TSC22D3: variants seen among roughly 807,000 people sequenced by gnomAD.
TSC22D3 encodes the protein TSC22 domain family protein 3.
A neutral mutation model predicts 11.1 loss-of-function variants in TSC22D3; 4 were observed. That is an observed-to-expected ratio of 0.36 (90% CI 0.18 to 0.83). The LOEUF (loss-of-function observed/expected upper bound fraction) is 0.83. Ranked by LOEUF, TSC22D3 falls within the 40% of genes least tolerant of loss-of-function variation. TSC22D3 has a pLI of 0.48. For synonymous variants in TSC22D3, 77 were observed against 70.3 expected (o/e 1.10, Z -0.48); for missense variants, 118 against 159.4 (o/e 0.74, Z 1.40).
At chrX:107,765,260 C>G (rs1381418184) in intron 1 of TSC22D3, among the ~76,000 whole-genome samples, 2 of 112,044 alleles carry the variant, frequency 1.8e-5, no homozygotes, top group African/African-American at 3.2e-5. Context: ...TGGCACCATC[C>G]AAGCTCCAGA....
At chrX:107,768,527 T>C (rs920869079) in intron 1 of TSC22D3, among the ~76,000 whole-genome samples, 2 of 111,309 alleles carry the variant, frequency 1.8e-5, no homozygotes, top group East Asian at 5.7e-4. Flanking sequence ...AACTGAGGAG[T>C]AGATGAAATT....
chrX:107,715,733 G>A (rs930037253), intron 2 of TSC22D3, 166 bp downstream of exon 2: 9 of 562,790 alleles, frequency 1.6e-5, no homozygotes, highest in Non-Finnish European at 2.7e-5. Context: ...TGCCCTAAAA[G>A]GTGCCACTCT....
intron 1 of TSC22D3, among the ~76,000 whole-genome samples, chrX:107,730,648 C>T (rs1044965959): frequency 8.9e-6 from 1 of 112,000 alleles, no homozygotes; most frequent in Non-Finnish European, 1.9e-5. Flanking sequence ...TACAAACTAC[C>T]AGACACCAGG....
At chrX:107,757,665 A>G (rs1929238105) in intron 1 of TSC22D3, among the ~76,000 whole-genome samples, 2 of 104,727 alleles carry the variant, frequency 1.9e-5, no homozygotes, top group Admixed American at 2.1e-4. Flanking sequence ...CCTCCCTCAT[A>G]TTCACCCTTG....
intron 1 of TSC22D3, among the ~76,000 whole-genome samples, chrX:107,766,852 A>G (rs1358057069): frequency 9.3e-6 from 1 of 107,740 alleles, no homozygotes; most frequent in African/African-American, 3.5e-5. Context: ...AGGGAAGCCT[A>G]CCACTGAGCA....
intron 1 of TSC22D3, among the ~76,000 whole-genome samples, chrX:107,729,504 A>G (rs1457316844): frequency 8.9e-6 from 1 of 112,165 alleles, no homozygotes; most frequent in Non-Finnish European, 1.9e-5. Flanking sequence ...AGCAGAAACA[A>G]TACTGACACT....
At chrX:107,724,539 G>C (rs767131417) in intron 1 of TSC22D3, among the ~76,000 whole-genome samples, 7 of 113,316 alleles carry the variant, frequency 6.2e-5, no homozygotes, top group Non-Finnish European at 9.4e-5. Context: ...CTTCCCCTAT[G>C]TTGTCACCTT....
intron 1 of TSC22D3, among the ~76,000 whole-genome samples, chrX:107,727,501 T>TC (rs1927699205): frequency 9.5e-6 from 1 of 105,264 alleles, no homozygotes; most frequent in South Asian, 4.0e-4. Flanking sequence ...ATTTTATTTA[T>TC]TTTTTTTTTT....
intron 1 of TSC22D3, among the ~76,000 whole-genome samples, chrX:107,745,952 T>C (rs551780847): frequency 6.8e-4 from 77 of 112,522 alleles, no homozygotes; most frequent in South Asian, 1.8e-3. Flanking sequence ...ATTTTCCTTC[T>C]CAATAGAACT....
At chrX:107,754,312 T>C (rs1343606720) in intron 1 of TSC22D3, among the ~76,000 whole-genome samples, 2 of 111,586 alleles carry the variant, frequency 1.8e-5, no homozygotes, top group African/African-American at 3.3e-5. Context: ...TATGTTACCC[T>C]AGCCATGTGA....
intron 1 of TSC22D3, among the ~76,000 whole-genome samples, chrX:107,742,375 GGAGA>G (rs1157065851): frequency 1.0e-5 from 1 of 99,312 alleles, no homozygotes; most frequent in Non-Finnish European, 2.1e-5. Flanking sequence ...GGGGAGGGAG[GGAGA>G]GAGAGAGAAA....
At chrX:107,731,521 T>C (rs1251517735) in intron 1 of TSC22D3, among the ~76,000 whole-genome samples, 2 of 111,970 alleles carry the variant, frequency 1.8e-5, no homozygotes, top group African/African-American at 6.5e-5. Flanking sequence ...GGGAGCTATA[T>C]CCAAAGTTTC....
At chrX:107,721,240 A>G (rs996424799) in intron 1 of TSC22D3, among the ~76,000 whole-genome samples, 12 of 111,910 alleles carry the variant, frequency 1.1e-4, no homozygotes, top group African/African-American at 3.9e-4. Context: ...TCATTTCAGG[A>G]GGCTTTGGAA....
intron 1 of TSC22D3, among the ~76,000 whole-genome samples, chrX:107,733,781 T>C (rs1447682055): frequency 8.9e-6 from 1 of 112,084 alleles, no homozygotes; most frequent in African/African-American, 3.2e-5. Flanking sequence ...ACACCCAGCA[T>C]GTGCTCCAAA....
chrX:107,756,586 A>G (rs1252482833), intron 1 of TSC22D3, among the ~76,000 whole-genome samples: 7 of 112,047 alleles, frequency 6.2e-5, no homozygotes, highest in Admixed American at 4.7e-4. Flanking sequence ...ACTGCTGCAA[A>G]TGGCCAGGAT....
chrX:107,751,281 G>A lies in TSC22D3; in HGVS notation c.320+23819C>T, dbSNP rs535697581. Among the ~76,000 whole-genome samples the A allele has an allele frequency of 3.1e-4, 35 of 111,903 alleles. No homozygotes were observed. The South Asian group carries it at 0.013, about 41-fold the overall frequency. The stretch of plus-strand genomic sequence containing the variant: ...TGCAAAGGAGCAATGGGACCATCTC[G>A]GAAAATGTGTTGGATGAGAGAATCA... On this transcript the variant is annotated intron_variant, in intron 1 of 2. Coordinates refer to ENST00000372383, the MANE Select transcript of TSC22D3 (RefSeq NM_198057.3).
intron 1 of TSC22D3, among the ~76,000 whole-genome samples, chrX:107,750,405 C>T (rs1928884670): frequency 9.0e-6 from 1 of 110,940 alleles, no homozygotes; most frequent in Non-Finnish European, 1.9e-5. Flanking sequence ...CAGGTGGGCT[C>T]AGTGGCCAGG....
At chrX:107,764,818 C>A (rs949788013) in intron 1 of TSC22D3, among the ~76,000 whole-genome samples, 1 of 111,712 alleles carries the variant, frequency 9.0e-6, no homozygotes, top group Non-Finnish European at 1.9e-5. Context: ...CTCGACTGCA[C>A]CCCTTGGTTC....
chrX:107,748,238 T>C (rs180796055), intron 1 of TSC22D3, among the ~76,000 whole-genome samples: 66 of 112,387 alleles, frequency 5.9e-4, no homozygotes, highest in Non-Finnish European at 1.1e-3. Context: ...AGACTTTTTC[T>C]ATCTCTGGGC....
Sources: gnomAD v4.1 joint callset for allele counts (sites outside exome capture counted in the v4.1 genomes callset) on GRCh38, gnomAD v4.1.1 for gene constraint, MANE v1.5 for transcripts, NCBI Gene and HGNC (gene_info 2026-07-23, HGNC 2026-07-21) for gene names.